Variants in SLCO5A1 observed in about 807,000 individuals in gnomAD.
The protein encoded by SLCO5A1 is solute carrier organic anion transporter family member 5A1, also known as organic anion transporter polypeptide-related protein 4.
In SLCO5A1, 39 loss-of-function variants were observed where a neutral mutation model predicts 65.1. The observed-to-expected ratio is 0.60, with a 90% CI of 0.46 to 0.78. The LOEUF (loss-of-function observed/expected upper bound fraction) is 0.78. Among genes scored for constraint, SLCO5A1 ranks in the 30% least tolerant of loss-of-function variants. The pLI, the probability that SLCO5A1 is intolerant of heterozygous loss-of-function variation, is 0.00. For synonymous variants in SLCO5A1, 438 were observed against 415.7 expected (o/e 1.05, Z -0.65); for missense variants, 1,029 against 1,069.4 (o/e 0.96, Z 0.53).
At position 69,672,613 on chromosome 8, in the gene SLCO5A1, C is replaced by G. The variant is rs1813371914; in HGVS notation, c.*256G>C. ...AGCCTGTACCGTAGGGGAGCATGAG[C>G]TTTGAATTAACACAACGGAAATGGG... On this transcript the variant is annotated 3_prime_UTR_variant, in exon 10 of 10. Coordinates refer to ENST00000260126, the MANE Select transcript of SLCO5A1 (RefSeq NM_030958.3). The G allele has an allele frequency of 2.0e-6, 1 of 498,236 alleles. No individual in the cohort carries two copies. The highest frequency in any genetic ancestry group is 3.6e-6 in the Non-Finnish European group (1 of 280,874). The allele number at this position is 498,236 out of a possible 1,614,324, so 30.9% of individuals were successfully genotyped here.
chr8:69,762,201 T>TCTTTCTTTCTTTCTTTCTTTCTTTCTTTC (rs1817827086), intron 2 of SLCO5A1, among the ~76,000 whole-genome samples: 1 of 129,294 alleles, frequency 7.7e-6, no homozygotes, highest in Admixed American at 8.2e-5. Context: ...TTTCTTTCTT[T>TCTTTCTTTCTTTCTTTCTTTCTTTCTTTC]TTTGAGACAG....
chr8:69,679,131 T>C (rs1231261210), intron 8 of SLCO5A1, among the ~76,000 whole-genome samples: 1 of 152,224 alleles, frequency 6.6e-6, no homozygotes, highest in African/African-American at 2.4e-5. Flanking sequence ...AGACGTTTCA[T>C]TATACAGTAA....
intron 2 of SLCO5A1, among the ~76,000 whole-genome samples, chr8:69,823,784 C>T (rs1017210589): frequency 6.6e-6 from 1 of 152,218 alleles, no homozygotes; most frequent in African/African-American, 2.4e-5. Context: ...ACCGAATAGA[C>T]ATCTGCAGAA....
chr8:69,759,535 G>A (rs1261292235), intron 3 of SLCO5A1, among the ~76,000 whole-genome samples: 1 of 152,186 alleles, frequency 6.6e-6, no homozygotes, highest in Non-Finnish European at 1.5e-5. Flanking sequence ...TATAAAAACT[G>A]AGGCACAGAG....
chr8:69,694,133 TGTGCATGCAG>T (rs1554607463), intron 6 of SLCO5A1, among the ~76,000 whole-genome samples: 1 of 152,206 alleles, frequency 6.6e-6, no homozygotes, highest in Non-Finnish European at 1.5e-5. Context: ...GAAGGTTGTG[TGTGCATGCAG>T]GTGCGTACGT....
chr8:69,733,123 C>T (rs1208801777), intron 5 of SLCO5A1, among the ~76,000 whole-genome samples: 1 of 152,132 alleles, frequency 6.6e-6, no homozygotes, highest in African/African-American at 2.4e-5. Context: ...ACTTAGTAAA[C>T]ACTCAGTACA....
In SLCO5A1 at chr8:69,832,317, G is replaced by C. The variant is rs1331598610; in HGVS notation, c.357C>G (p.Cys119Trp). Reference protein sequence around the residue: ...SALAMLQERRCLYVVLTDSRC... With the variant: ...SALAMLQERRWLYVVLTDSRC... ...GGGAATCCGTGAGGACCACGTAGAG[G>C]CACCTTCTCTCCTGGAGCATGGCCA... Residue 119 changes from cysteine (C) to tryptophan (W), a missense_variant, in exon 2 of 10, where the codon TGC (cysteine) becomes TGG (tryptophan). This residue lies in a region of SLCO5A1 where 647 missense variants were observed against 647.5 expected (regional missense o/e 1.00). Transcript: ENST00000260126. The surrounding 1 kb of genome is among the most constrained non-coding windows in gnomAD (Gnocchi z 4.5). 6.2e-7 allele frequency: 1 copy of C among 1,614,186 alleles called. No homozygotes were observed. The highest frequency in any genetic ancestry group is 1.1e-5 in the South Asian group (1 of 91,080).
intron 2 of SLCO5A1, among the ~76,000 whole-genome samples, chr8:69,802,520 T>TA (rs57817058): frequency 0.11 from 14,555 of 126,826 alleles, 1,022 homozygotes; most frequent in African/African-American, 0.23. Flanking sequence ...AAAAAAACAC[T>TA]AAAAAAAAAA....
chr8:69,834,086 CCACACACACACACACACACA>C (rs60625289), intron 1 of SLCO5A1: 2 of 144,346 alleles, frequency 1.4e-5, no homozygotes, highest in Non-Finnish European at 3.0e-5. Context: ...GCGTGCGCGG[CCACACACACACACACACACA>C]CACACACACA....
chr8:69,741,496 A>C (rs1816784354), intron 4 of SLCO5A1, among the ~76,000 whole-genome samples: 1 of 152,204 alleles, frequency 6.6e-6, no homozygotes, highest in East Asian at 1.9e-4. Context: ...GCCACAAATA[A>C]TAGGTGTCAA....
intron 2 of SLCO5A1, among the ~76,000 whole-genome samples, chr8:69,775,385 AAAC>A (rs1818514250): frequency 6.6e-6 from 1 of 152,200 alleles, no homozygotes; most frequent in Non-Finnish European, 1.5e-5. Flanking sequence ...TGTGGCTTTA[AAAC>A]AACAGATTGG....
chr8:69,775,283 G>A (rs1028262236), intron 2 of SLCO5A1, among the ~76,000 whole-genome samples: 1 of 152,166 alleles, frequency 6.6e-6, no homozygotes, highest in South Asian at 2.1e-4. Flanking sequence ...AGAATAATGT[G>A]TTCCCTAAAA....
chr8:69,726,751 T>C (rs1314175716), intron 5 of SLCO5A1, among the ~76,000 whole-genome samples: 1 of 152,194 alleles, frequency 6.6e-6, no homozygotes, highest in Non-Finnish European at 1.5e-5. Context: ...TCTGCCCGCC[T>C]TGGCCTCCCA....
intron 9 of SLCO5A1, 63 bp downstream of exon 9, chr8:69,676,545 AC>A: frequency 7.2e-7 from 1 of 1,385,282 alleles, no homozygotes; most frequent in East Asian, 2.3e-5. Flanking sequence ...TTTTTAAAGG[AC>A]AGTGAAAATT....
At chr8:69,692,159 G>C (rs555252425) in intron 6 of SLCO5A1, among the ~76,000 whole-genome samples, 1 of 152,360 alleles carries the variant, frequency 6.6e-6, no homozygotes, top group Admixed American at 6.5e-5. Flanking sequence ...TGAGGCAGGA[G>C]AATGGCATGA....
At chr8:69,806,490 G>T (rs1161568065) in intron 2 of SLCO5A1, among the ~76,000 whole-genome samples, 1 of 152,180 alleles carries the variant, frequency 6.6e-6, no homozygotes, top group Non-Finnish European at 1.5e-5. Flanking sequence ...CATTGATCTT[G>T]TTACATCTTA....
At chr8:69,775,211 A>G (rs577594326) in intron 2 of SLCO5A1, among the ~76,000 whole-genome samples, 8 of 152,324 alleles carry the variant, frequency 5.3e-5, no homozygotes, top group African/African-American at 1.9e-4. Context: ...GAGAGAAATC[A>G]TTGGTTGTAA....
chr8:69,695,300 G>T (rs1168899028), intron 6 of SLCO5A1, among the ~76,000 whole-genome samples: 2 of 152,116 alleles, frequency 1.3e-5, no homozygotes, highest in Non-Finnish European at 2.9e-5. Context: ...TTCAAGACCA[G>T]CCTGGCCAAC....
At chr8:69,782,301 G>A (rs796217372) in intron 2 of SLCO5A1, among the ~76,000 whole-genome samples, 9 of 152,164 alleles carry the variant, frequency 5.9e-5, no homozygotes, top group African/African-American at 1.9e-4. Flanking sequence ...AGATAATCCA[G>A]CCTAGCACAG....
Sources: allele counts gnomAD v4.1 joint callset (sites outside exome capture counted in the v4.1 genomes callset), GRCh38; gene constraint gnomAD v4.1.1; regional missense constraint gnomAD v4.1.1; non-coding constraint Gnocchi (gnomAD v3.1); transcripts MANE v1.5; gene names NCBI Gene and HGNC (gene_info 2026-07-23, HGNC 2026-07-21).